NRXN3: variants seen among roughly 807,000 people sequenced by gnomAD.
NRXN3 encodes neurexin III.
Under a neutral mutation model 137.6 loss-of-function variants are expected in NRXN3, and 32 were observed. The observed-to-expected ratio is 0.23, with a 90% CI of 0.18 to 0.31. The LOEUF (loss-of-function observed/expected upper bound fraction) is 0.31. NRXN3 is among the 10% of genes least tolerant of loss of function. The pLI, the probability that NRXN3 is intolerant of heterozygous loss-of-function variation, is 1.00. For missense variants in NRXN3, 1,574 were observed against 2,062.5 expected (o/e 0.76, Z 4.59); for synonymous variants, 798 against 784.5 (o/e 1.02, Z -0.29).
intron 16 of NRXN3, among the ~76,000 whole-genome samples, chr14:79,561,621 G>C (rs1393884670): frequency 6.6e-6 from 1 of 151,990 alleles, no homozygotes; most frequent in Non-Finnish European, 1.5e-5. Context: ...AAGTGGCTTT[G>C]TATCCACAAT....
chr14:79,827,394 A>G (rs2099308194), intron 20 of NRXN3, among the ~76,000 whole-genome samples: 1 of 152,226 alleles, frequency 6.6e-6, no homozygotes. Flanking sequence ...AGAAAAAGTC[A>G]GCCATTTCTG....
intron 16 of NRXN3, among the ~76,000 whole-genome samples, chr14:79,524,117 C>T (rs1004159861): frequency 1.3e-5 from 2 of 152,194 alleles, no homozygotes; most frequent in African/African-American, 4.8e-5. Flanking sequence ...TGCATGCCTG[C>T]GACCTTCAGC....
chr14:78,374,014 A>T (rs1197958951), intron 4 of NRXN3, among the ~76,000 whole-genome samples: 1 of 152,226 alleles, frequency 6.6e-6, no homozygotes, highest in Non-Finnish European at 1.5e-5. Context: ...TTAAAAAAGA[A>T]GTTAGACAGT....
At chr14:78,342,888 A>C (rs1294319007) in intron 4 of NRXN3, among the ~76,000 whole-genome samples, 1 of 152,072 alleles carries the variant, frequency 6.6e-6, no homozygotes, top group African/African-American at 2.4e-5. Context: ...AACACTTTAG[A>C]TTGTTCATTT....
chr14:79,681,165 C>T (rs111240832), intron 17 of NRXN3, among the ~76,000 whole-genome samples: 2 of 152,298 alleles, frequency 1.3e-5, no homozygotes, highest in African/African-American at 4.8e-5. Flanking sequence ...GTCCATGTCT[C>T]CATCCTTGGA....
chr14:79,666,821 A>G (rs1382765177), intron 17 of NRXN3, among the ~76,000 whole-genome samples: 1 of 152,024 alleles, frequency 6.6e-6, no homozygotes, highest in African/African-American at 2.4e-5. Context: ...GGCACCAGTG[A>G]CCCCAAGCTG....
intron 18 of NRXN3, among the ~76,000 whole-genome samples, chr14:79,695,799 T>C (rs539889040): frequency 6.6e-6 from 1 of 152,130 alleles, no homozygotes; most frequent in East Asian, 1.9e-4. Flanking sequence ...ACACACTAAA[T>C]GAATTGCTGA....
chr14:79,746,516 G>T (rs1455100490), intron 19 of NRXN3, among the ~76,000 whole-genome samples: 1 of 152,086 alleles, frequency 6.6e-6, no homozygotes, highest in Non-Finnish European at 1.5e-5. Flanking sequence ...TAAGAGTGGG[G>T]CTGGAAATGG....
intron 10 of NRXN3, among the ~76,000 whole-genome samples, chr14:78,900,541 C>T (rs1191439886): frequency 4.0e-5 from 6 of 151,292 alleles, no homozygotes; most frequent in Non-Finnish European, 8.8e-5. Context: ...ATCCTTTTCT[C>T]TCTCTTCTTC....
chr14:78,642,584 C>T (rs1285842728), intron 4 of NRXN3, among the ~76,000 whole-genome samples: 2 of 152,152 alleles, frequency 1.3e-5, no homozygotes, highest in Admixed American at 6.5e-5. Flanking sequence ...ATACCACTTG[C>T]GGTGCCAAGG....
intron 10 of NRXN3, among the ~76,000 whole-genome samples, chr14:78,853,270 A>C (rs1398730872): frequency 1.3e-5 from 2 of 152,086 alleles, no homozygotes; most frequent in Non-Finnish European, 2.9e-5. Flanking sequence ...TCCTCTGTCC[A>C]AGAGTTCTCA....
intron 4 of NRXN3, among the ~76,000 whole-genome samples, chr14:78,406,423 C>T (rs2092487417): frequency 6.6e-6 from 1 of 152,164 alleles, no homozygotes; most frequent in African/African-American, 2.4e-5. Context: ...CTCTCATTAG[C>T]CACAACTGTG....
chr14:78,811,304 T>C (rs1474523852), intron 10 of NRXN3, among the ~76,000 whole-genome samples: 1 of 152,184 alleles, frequency 6.6e-6, no homozygotes, highest in Non-Finnish European at 1.5e-5. Context: ...TTCAGGGATC[T>C]AGGATCCTTC....
At chr14:79,055,707 A>T (rs887847285) in intron 15 of NRXN3, among the ~76,000 whole-genome samples, 11 of 152,214 alleles carry the variant, frequency 7.2e-5, no homozygotes, top group African/African-American at 2.7e-4. Flanking sequence ...GGATCATCAT[A>T]CCTAGCCAAG....
intron 15 of NRXN3, among the ~76,000 whole-genome samples, chr14:79,450,375 T>TATTGC (rs2096146928): frequency 6.6e-6 from 1 of 152,188 alleles, no homozygotes; most frequent in African/African-American, 2.4e-5. Context: ...GCATGGTGAC[T>TATTGC]ACAGCTAATA....
chr14:79,515,758 A>G (rs552523886), intron 16 of NRXN3, among the ~76,000 whole-genome samples: 68 of 152,194 alleles, frequency 4.5e-4, no homozygotes, highest in Non-Finnish European at 8.8e-4. Context: ...TTCCCCCATT[A>G]ATAGATAATG....
intron 15 of NRXN3, among the ~76,000 whole-genome samples, chr14:79,458,320 G>A (rs1310601148): frequency 1.3e-5 from 2 of 152,156 alleles, no homozygotes; most frequent in Non-Finnish European, 2.9e-5. Flanking sequence ...TAAATTGAAA[G>A]TTGTGTTCTA....
intron 10 of NRXN3, among the ~76,000 whole-genome samples, chr14:78,883,235 A>T (rs1327298658): frequency 6.6e-6 from 1 of 152,220 alleles, no homozygotes; most frequent in African/African-American, 2.4e-5. Context: ...CATGTGATAT[A>T]ACAAAATATA....
intron 15 of NRXN3, among the ~76,000 whole-genome samples, chr14:79,141,468 C>T (rs1348710649): frequency 3.9e-5 from 6 of 152,234 alleles, no homozygotes; most frequent in East Asian, 3.9e-4. Flanking sequence ...ATCCTTACCA[C>T]GTTTCCTTGA....
Sources: allele counts gnomAD v4.1 joint callset (sites outside exome capture counted in the v4.1 genomes callset), GRCh38; gene constraint gnomAD v4.1.1; transcripts MANE v1.5; gene names NCBI Gene and HGNC (gene_info 2026-07-23, HGNC 2026-07-21).